Variants in FBLN5 observed in about 807,000 individuals in gnomAD.
FBLN5 encodes the protein fibulin 5.
A neutral mutation model predicts 61.6 loss-of-function variants in FBLN5; 24 were observed. The ratio of observed to expected loss-of-function variants is 0.39; its 90% CI spans 0.28 to 0.55. The LOEUF (loss-of-function observed/expected upper bound fraction) is 0.55. Among genes scored for constraint, FBLN5 ranks in the 20% least tolerant of loss-of-function variants. The pLI is 0.65. For missense variants in FBLN5, 470 were observed against 594.1 expected, an observed-to-expected ratio of 0.79 and a Z score of 2.17; for synonymous variants, 213 against 219.8, an observed-to-expected ratio of 0.97 and a Z score of 0.27.
chr14:91,935,584 G>T (rs756888562), intron 4 of FBLN5, among the ~76,000 whole-genome samples: 4 of 152,190 alleles, frequency 2.6e-5, no homozygotes, highest in Non-Finnish European at 5.9e-5. Context: ...ATAGTTAGGA[G>T]ATTGTAGACA....
chr14:91,932,585 A>G (rs1276342421), intron 4 of FBLN5, among the ~76,000 whole-genome samples: 2 of 152,242 alleles, frequency 1.3e-5, no homozygotes, highest in African/African-American at 4.8e-5. Flanking sequence ...TTACACTTTG[A>G]GAAGAAATCA....
At chr14:91,895,209 C>A in intron 4 of FBLN5, 137 bp from the exon 5 acceptor site, 1 of 984,274 alleles carries the variant, frequency 1.0e-6, no homozygotes, top group Non-Finnish European at 1.6e-6. Context: ...GGTGGCAGTG[C>A]TTCCCCGATG....
chr14:91,892,031 A>C (rs546744057), intron 5 of FBLN5, among the ~76,000 whole-genome samples: 1 of 152,190 alleles, frequency 6.6e-6, no homozygotes, highest in South Asian at 2.1e-4. Flanking sequence ...ATCTCTTCCA[A>C]GCCACAGCTG....
At chr14:91,889,047 G>T (rs1260777336) in intron 6 of FBLN5, among the ~76,000 whole-genome samples, 3 of 152,194 alleles carry the variant, frequency 2.0e-5, no homozygotes, top group Non-Finnish European at 4.4e-5. Context: ...TGGCCACAAA[G>T]TTCCTGCCTC....
intron 4 of FBLN5, among the ~76,000 whole-genome samples, chr14:91,896,993 T>C (rs1421345037): frequency 1.3e-5 from 2 of 152,116 alleles, no homozygotes; most frequent in African/African-American, 4.8e-5. Context: ...CTTCAGGTGA[T>C]ATGGCTACAA....
chr14:91,943,074 G>C lies in FBLN5; in HGVS notation c.18-113C>G. 1.3e-6 allele frequency: 1 copy of C among 759,886 alleles called. No individual in the cohort carries two copies. Among genetic ancestry groups the C allele is most frequent in the East Asian group, 2.7e-5 (1 of 37,208 alleles). 47.1% of individuals were successfully genotyped at this position (759,886 alleles called of 1,614,324 possible). A position where few individuals can be genotyped will look rare whatever the true frequency, so the allele number is the denominator to read the frequency against. On this transcript the variant is annotated intron_variant, in intron 1 of 10. Coordinates refer to ENST00000342058, the MANE Select transcript of FBLN5 (RefSeq NM_006329.4). This position sits in a 1 kb window ranked among gnomAD's most constrained non-coding sequence, Gnocchi z 4.0. ...GGTGATATCACCTTGGGCTTGTATGGGGTGGGGTGTGCTCCAGGGAGGTCA... is the reference window on the plus strand; with the variant it reads ...GGTGATATCACCTTGGGCTTGTATGCGGTGGGGTGTGCTCCAGGGAGGTCA...
intron 3 of FBLN5, among the ~76,000 whole-genome samples, chr14:91,939,588 C>T (rs1439282985): frequency 5.3e-5 from 8 of 152,260 alleles, no homozygotes; most frequent in East Asian, 1.9e-4. Context: ...GTGATGCACT[C>T]GCCTCGGCCT....
At chr14:91,877,820 C>A in intron 9 of FBLN5, 138 bp from the exon 10 acceptor site, 1 of 727,134 alleles carries the variant, frequency 1.4e-6, no homozygotes, top group Middle Eastern at 2.3e-4. Context: ...AATGTCTCTG[C>A]TCCTGGCTTG....
intron 4 of FBLN5, among the ~76,000 whole-genome samples, chr14:91,920,334 C>T (rs1336138972): frequency 6.6e-6 from 1 of 152,186 alleles, no homozygotes; most frequent in African/African-American, 2.4e-5. Flanking sequence ...AAGAATAGGG[C>T]TGTATGATTT....
chr14:91,871,953 T>A (rs969457598), intron 10 of FBLN5, among the ~76,000 whole-genome samples: 1 of 152,082 alleles, frequency 6.6e-6, no homozygotes, highest in African/African-American at 2.4e-5. Flanking sequence ...GAGCTTCTTA[T>A]AAATGCAGAA....
intron 9 of FBLN5, 135 bp downstream of exon 9, chr14:91,881,157 A>G: frequency 1.2e-6 from 1 of 828,782 alleles, no homozygotes; most frequent in Non-Finnish European, 2.0e-6. Context: ...ACACACACGC[A>G]TGAGCACATG....
intron 10 of FBLN5, chr14:91,874,298 G>A (rs1889071129): frequency 6.6e-6 from 1 of 152,252 alleles, no homozygotes; most frequent in African/African-American, 2.4e-5. Context: ...CAGCCTCCTT[G>A]CAGCAGTAGC....
At chr14:91,927,427 G>C (rs1347703606) in intron 4 of FBLN5, among the ~76,000 whole-genome samples, 1 of 152,222 alleles carries the variant, frequency 6.6e-6, no homozygotes, top group Non-Finnish European at 1.5e-5. Flanking sequence ...GCGAATTTCT[G>C]TACAGAACCT....
intron 4 of FBLN5, among the ~76,000 whole-genome samples, chr14:91,926,684 T>C (rs1296046444): frequency 6.6e-6 from 1 of 152,102 alleles, no homozygotes; most frequent in African/African-American, 2.4e-5. Context: ...ACCTGCCACG[T>C]GTCTGACCCT....
intron 4 of FBLN5, among the ~76,000 whole-genome samples, chr14:91,936,012 G>C (rs1210191473): frequency 1.3e-5 from 2 of 152,152 alleles, no homozygotes; most frequent in Non-Finnish European, 2.9e-5. Flanking sequence ...ATTAAAAAGA[G>C]AATGCACACT....
intron 6 of FBLN5, among the ~76,000 whole-genome samples, chr14:91,889,062 C>T (rs960756467): frequency 3.3e-5 from 5 of 152,240 alleles, no homozygotes; most frequent in Admixed American, 2.6e-4. Context: ...TGCCTCCTAG[C>T]ATCTCTGGAG....
In FBLN5 at chr14:91,882,875, G is replaced by C; in HGVS notation, c.862+79C>G. ...CCCAAAGCTGCACATGATTCCCCAG[G>C]TGAGGATATCCAGATGAGCCCCTGA... is the stretch of plus-strand genomic sequence containing the variant. On this transcript the variant is annotated intron_variant, in intron 8 of 10. Transcript: ENST00000342058. The surrounding 1 kb of genome is among the most constrained non-coding windows in gnomAD (Gnocchi z 4.9). 3 of 1,535,336 alleles carry C rather than the reference G, an allele frequency of 2.0e-6. No homozygotes were observed. In the South Asian group the frequency reaches 3.5e-5, roughly 18 times the overall value.
chr14:91,871,083 A>T (rs1357646046), intron 10 of FBLN5, among the ~76,000 whole-genome samples: 2 of 152,116 alleles, frequency 1.3e-5, no homozygotes, highest in African/African-American at 4.8e-5. Flanking sequence ...TGATGACATC[A>T]TATATACACC....
intron 4 of FBLN5, among the ~76,000 whole-genome samples, chr14:91,917,683 C>G (rs944017241): frequency 6.6e-6 from 1 of 151,398 alleles, no homozygotes; most frequent in Non-Finnish European, 1.5e-5. Context: ...CTGTCAGTTG[C>G]AATCAAAAAG....
Sources: allele counts gnomAD v4.1 joint callset (sites outside exome capture counted in the v4.1 genomes callset), GRCh38; gene constraint gnomAD v4.1.1; non-coding constraint Gnocchi (gnomAD v3.1); transcripts MANE v1.5; gene names NCBI Gene and HGNC (gene_info 2026-07-23, HGNC 2026-07-21).